STXBP4: variants seen among roughly 807,000 people sequenced by gnomAD.
STXBP4 encodes syntaxin binding protein 4, also known as syntaxin-binding protein 4.
STXBP4 carries 55 observed loss-of-function variants against 76.1 expected under a neutral mutation model. The observed-to-expected ratio is 0.72, with a 90% CI of 0.58 to 0.91. The LOEUF (loss-of-function observed/expected upper bound fraction) is 0.91, where lower values mean the gene tolerates loss of function less well. Ranked by LOEUF, STXBP4 falls within the 40% of genes least tolerant of loss-of-function variation. STXBP4 has a pLI of 0.00. For synonymous variants in STXBP4, 201 were observed against 220.2 expected (o/e 0.91, Z 0.77); for missense variants, 618 against 636.9 (o/e 0.97, Z 0.32).
At chr17:55,041,242 T>C (rs1458079162) in intron 10 of STXBP4, among the ~76,000 whole-genome samples, 3 of 149,908 alleles carry the variant, frequency 2.0e-5, no homozygotes, top group Non-Finnish European at 4.5e-5. Flanking sequence ...TTTTTTTTTT[T>C]TTTTTTTGAG....
At chr17:55,011,702 G>A (rs896233305) in intron 8 of STXBP4, among the ~76,000 whole-genome samples, 2 of 151,912 alleles carry the variant, frequency 1.3e-5, no homozygotes, top group East Asian at 3.9e-4. Context: ...TAGCATTTTA[G>A]TGAGCCCTCT....
chr17:55,025,117 G>A (rs1479980378), intron 8 of STXBP4, among the ~76,000 whole-genome samples: 2 of 151,960 alleles, frequency 1.3e-5, no homozygotes, highest in Non-Finnish European at 2.9e-5. Flanking sequence ...CTCCAGCCTG[G>A]GTGACAGAGC....
At chr17:55,144,746 A>T (rs2080133769) in intron 17 of STXBP4, among the ~76,000 whole-genome samples, 1 of 152,218 alleles carries the variant, frequency 6.6e-6, no homozygotes, top group African/African-American at 2.4e-5. Flanking sequence ...GGTGGATTTG[A>T]TTACAGGAAG....
intron 17 of STXBP4, among the ~76,000 whole-genome samples, chr17:55,144,379 G>A (rs1041360162): frequency 5.9e-5 from 9 of 152,094 alleles, no homozygotes; most frequent in South Asian, 2.1e-4. Flanking sequence ...CTTGATGAAA[G>A]TCTTACTTTA....
At chr17:55,104,318 G>T (rs2079603133) in intron 16 of STXBP4, among the ~76,000 whole-genome samples, 1 of 152,056 alleles carries the variant, frequency 6.6e-6, no homozygotes, top group Non-Finnish European at 1.5e-5. Context: ...CTAGTTTATT[G>T]GGAGTTTTTA....
At chr17:55,130,886 A>G (rs2079966932) in intron 16 of STXBP4, among the ~76,000 whole-genome samples, 2 of 152,216 alleles carry the variant, frequency 1.3e-5, no homozygotes, top group African/African-American at 4.8e-5. Flanking sequence ...CATTGTCATA[A>G]TATCACATCC....
At chr17:55,018,691 G>C (rs974236556) in intron 8 of STXBP4, among the ~76,000 whole-genome samples, 1 of 152,156 alleles carries the variant, frequency 6.6e-6, no homozygotes, top group Non-Finnish European at 1.5e-5. Flanking sequence ...AGGCGGTGGA[G>C]TTAAGAGCAA....
chr17:55,185,294 CT>C, the STXBP4 span, among the ~76,000 whole-genome samples: 2 of 118,604 alleles, frequency 1.7e-5, no homozygotes, highest in Admixed American at 8.6e-5. Context: ...TCTCCTTCTC[CT>C]TCTCCTTCTC....
intron 11 of STXBP4, among the ~76,000 whole-genome samples, chr17:55,045,432 G>GT (rs1165786425): frequency 6.6e-6 from 1 of 151,922 alleles, no homozygotes; most frequent in African/African-American, 2.4e-5. Flanking sequence ...TAGACTTGTG[G>GT]TTTATCAGAA....
At chr17:55,088,298 C>T (rs1399236128) in intron 16 of STXBP4, among the ~76,000 whole-genome samples, 1 of 152,252 alleles carries the variant, frequency 6.6e-6, no homozygotes, top group East Asian at 1.9e-4. Context: ...TGGGTAATTG[C>T]CTCTACTTTC....
intron 10 of STXBP4, among the ~76,000 whole-genome samples, chr17:55,038,986 C>T (rs765808297): frequency 6.6e-6 from 1 of 152,110 alleles, no homozygotes; most frequent in Admixed American, 6.6e-5. Context: ...TTTCTCACCA[C>T]GTATAGCAGT....
At chr17:54,981,925 T>C (rs2077556139) in intron 1 of STXBP4, among the ~76,000 whole-genome samples, 1 of 152,116 alleles carries the variant, frequency 6.6e-6, no homozygotes, top group South Asian at 2.1e-4. Context: ...TCTTAAAGCA[T>C]AAAAAAACTC....
At chr17:55,013,251 T>C (rs1450819223) in intron 8 of STXBP4, among the ~76,000 whole-genome samples, 3 of 152,234 alleles carry the variant, frequency 2.0e-5, no homozygotes, top group East Asian at 3.8e-4. Context: ...GTTTCTGTTT[T>C]TTTCTGTGAT....
In STXBP4 at chr17:55,046,386, C is replaced by A. The variant is rs142808203; in HGVS notation, c.946-703C>A. 6.0e-3 allele frequency among the ~76,000 whole-genome samples: 910 copies of A among 151,984 alleles called. 4 individuals carry two copies. The highest frequency in any genetic ancestry group is 0.031 in the Middle Eastern group (9 of 294). ...TAAACATTGTAATATTGCCATGAAT[C>A]TTTACCACTCAATTTAATGTTCGAG... On this transcript the variant is annotated intron_variant, in intron 11 of 17. Coordinates refer to ENST00000376352, the MANE Select transcript of STXBP4 (RefSeq NM_178509.6).
At chr17:54,987,433 C>T (rs1335658113) in intron 3 of STXBP4, among the ~76,000 whole-genome samples, 1 of 152,138 alleles carries the variant, frequency 6.6e-6, no homozygotes, top group Admixed American at 6.5e-5. Context: ...GTCATGTATA[C>T]TGTTTTGACC....
chr17:54,982,499 A>G (rs1480814869), intron 1 of STXBP4, among the ~76,000 whole-genome samples: 1 of 152,142 alleles, frequency 6.6e-6, no homozygotes, highest in Non-Finnish European at 1.5e-5. Flanking sequence ...AAACTAGAAT[A>G]ACAATATATT....
the STXBP4 span, among the ~76,000 whole-genome samples, chr17:55,192,166 A>G: frequency 1.3e-5 from 2 of 152,212 alleles, no homozygotes; most frequent in Non-Finnish European, 2.9e-5. Flanking sequence ...GTTCTGAGTG[A>G]ATTGATAAAA....
intron 16 of STXBP4, among the ~76,000 whole-genome samples, chr17:55,103,109 T>C (rs1250359639): frequency 4.6e-5 from 7 of 152,238 alleles, no homozygotes; most frequent in Non-Finnish European, 8.8e-5. Context: ...TAGTTTCTTT[T>C]GCTGTGCAGA....
intron 1 of STXBP4, among the ~76,000 whole-genome samples, chr17:54,976,935 C>A (rs1355819492): frequency 6.6e-6 from 1 of 152,074 alleles, no homozygotes; most frequent in African/African-American, 2.4e-5. Flanking sequence ...TCTTCCTTAC[C>A]CCTCCCTAAT....
Sources: allele counts gnomAD v4.1 joint callset (sites outside exome capture counted in the v4.1 genomes callset), GRCh38; gene constraint gnomAD v4.1.1; transcripts MANE v1.5; gene names NCBI Gene and HGNC (gene_info 2026-07-23, HGNC 2026-07-21).